The following ZNF638 variants were observed in gnomAD, a reference collection of about 807,000 sequenced individuals.
ZNF638 encodes zinc finger protein 638, also known as CTCL tumor antigen se33-1.
A neutral mutation model predicts 195.6 loss-of-function variants in ZNF638; 46 were observed. The observed-to-expected ratio is 0.24, with a 90% CI of 0.19 to 0.30. The LOEUF (loss-of-function observed/expected upper bound fraction) is 0.30, where lower values mean the gene tolerates loss of function less well. Ranked by LOEUF, ZNF638 falls within the 10% of genes least tolerant of loss-of-function variation. The pLI is 1.00. For missense variants in ZNF638, 2,440 were observed against 2,325.3 expected (o/e 1.05, Z -1.01); for synonymous variants, 845 against 772.0 (o/e 1.09, Z -1.57).
chr2:71,408,716 G>A (rs762792314), intron 20 of ZNF638: 15 of 451,442 alleles, frequency 3.3e-5, no homozygotes, highest in South Asian at 2.3e-4. Context: ...GTCCACCTTT[G>A]AAAGCATTAA....
intron 3 of ZNF638, among the ~76,000 whole-genome samples, chr2:71,362,705 C>T (rs981929310): frequency 5.3e-5 from 8 of 152,184 alleles, no homozygotes; most frequent in Admixed American, 3.9e-4. Context: ...GCAACCCTTT[C>T]TATGAGTTCT....
In ZNF638 at chr2:71,403,976, A is replaced by T; in HGVS notation, c.2936A>T (p.Glu979Val). The T allele has an allele frequency of 6.2e-7, 1 of 1,611,400 alleles. No homozygotes were observed. The highest frequency in any genetic ancestry group is 8.5e-7 in the Non-Finnish European group (1 of 1,178,826). The change falls in exon 17 of 28, where the codon GAA becomes GTA. Residue 979 changes from glutamate to valine, a missense_variant. Glu to Val is a moderately radical substitution (Grantham distance 121, BLOSUM62 -2). This residue lies in a region of ZNF638 where 1,883 missense variants were observed against 1,739.1 expected (regional missense o/e 1.08). Coordinates refer to ENST00000264447, the MANE Select transcript of ZNF638 (RefSeq NM_014497.5). ...GNQLSISMAPENMNIKDEEAI... is the reference protein window; with the variant it reads ...GNQLSISMAPVNMNIKDEEAI... ...CAACTCTCAATAAGTATGGCTCCTG[A>T]AAACATGAATATAAAAGATGAGGTA... is the stretch of plus-strand genomic sequence containing the variant.
chr2:71,398,169 A>G (rs1411195402), intron 11 of ZNF638, among the ~76,000 whole-genome samples: 1 of 152,158 alleles, frequency 6.6e-6, no homozygotes, highest in East Asian at 1.9e-4. Flanking sequence ...AATGGTTGGG[A>G]GCAGAAGTGT....
intron 1 of ZNF638, among the ~76,000 whole-genome samples, chr2:71,342,893 A>T (rs1268745230): frequency 6.6e-6 from 1 of 152,182 alleles, no homozygotes; most frequent in Non-Finnish European, 1.5e-5. Flanking sequence ...TTTGTCTTGA[A>T]TATTATGCCT....
chr2:71,333,620 T>C (rs1177763976), intron 1 of ZNF638, among the ~76,000 whole-genome samples: 3 of 152,226 alleles, frequency 2.0e-5, no homozygotes, highest in Admixed American at 1.3e-4. Context: ...TTTGTTTTTA[T>C]GTAAGTGGAA....
rs892010060 is a variant in ZNF638, at chr2:71,403,966, A to G, written c.2926A>G (p.Met976Val). The change falls in exon 17 of 28, where the codon ATG becomes GTG. Residue 976 changes from methionine (M) to valine (V), a missense_variant. Met to Val is a conservative substitution (Grantham distance 21). Around this residue, in one of 5 missense-constraint regions of ZNF638, gnomAD observed 1,883 missense variants for 1,739.1 expected, o/e 1.08. Transcript: ENST00000264447. ...LMDGNQLSISMAPENMNIKDE... is the reference protein window; with the variant it reads ...LMDGNQLSISVAPENMNIKDE... ...GGATGGAAATCAACTCTCAATAAGTATGGCTCCTGAAAACATGAATATAAA... is the reference window on the plus strand; with the variant it reads ...GGATGGAAATCAACTCTCAATAAGTGTGGCTCCTGAAAACATGAATATAAA... 2.5e-6 allele frequency: 4 copies of G among 1,612,630 alleles called. No individual in the cohort carries two copies. Among genetic ancestry groups the G allele is most frequent in the African/African-American group, 2.7e-5 (2 of 74,902 alleles).
Position 71,400,448 on chromosome 2 carries a change from G to T in ZNF638, c.2657-30G>T, listed in dbSNP as rs140178243. On this transcript the variant is annotated intron_variant, in intron 14 of 27. Coordinates refer to ENST00000264447, the MANE Select transcript of ZNF638 (RefSeq NM_014497.5). The stretch of plus-strand genomic sequence containing the variant: ...AAGTAGGATCTTGATAAGTATGTCT[G>T]CATTGTTTTTAATTTTATTTTGTAT... 2,510 of 1,589,898 alleles carry T rather than the reference G, an allele frequency of 1.6e-3. 6 individuals are homozygous for T. Among genetic ancestry groups the T allele is most frequent in the Non-Finnish European group, 1.9e-3 (2,272 of 1,170,648 alleles).
intron 11 of ZNF638, 67 bp downstream of exon 11, chr2:71,396,258 C>T: frequency 1.5e-6 from 2 of 1,300,568 alleles, no homozygotes; most frequent in Non-Finnish European, 2.2e-6. Flanking sequence ...AATCGTATGG[C>T]AGTAGTAGTC....
At chr2:71,369,304 CAG>C (rs1355140547) in intron 7 of ZNF638, among the ~76,000 whole-genome samples, 5 of 123,962 alleles carry the variant, frequency 4.0e-5, no homozygotes, top group Admixed American at 3.9e-4. Flanking sequence ...GCCTGGGCAA[CAG>C]AGTAAGGCTC....
At chr2:71,380,180 T>G in intron 8 of ZNF638, 42 bp from the exon 9 acceptor site, 2 of 1,263,974 alleles carry the variant, frequency 1.6e-6, no homozygotes, top group Non-Finnish European at 2.2e-6. Context: ...CTAAATTGCT[T>G]TATACTAAAT....
At chr2:71,395,556 C>A (rs2104413003) in intron 10 of ZNF638, 1 of 602,168 alleles carries the variant, frequency 1.7e-6, no homozygotes, top group Non-Finnish European at 3.0e-6. Flanking sequence ...TTTACTTTTG[C>A]AGACCTTTGA....
At position 71,424,579 on chromosome 2, in the gene ZNF638, T is replaced by G. The variant is rs115825394; in HGVS notation, c.4525-71T>G. 5,246 of 1,319,794 alleles carry G rather than the reference T, an allele frequency of 4.0e-3. 165 individuals are homozygous for G. The African/African-American group carries it at 0.067, about 17-fold the overall frequency. The allele number at this position is 1,319,794 out of a possible 1,614,324, so 81.8% of individuals were successfully genotyped here. A position where few individuals can be genotyped will look rare whatever the true frequency, so the allele number is the denominator to read the frequency against. ...GTTTACTGTTTTTTTTTGTTTTTTG[T>G]TTTTTTTTCCAGAACATTAATAATA... On this transcript the variant is annotated intron_variant, in intron 22 of 27. Transcript: ENST00000264447.
chr2:71,351,708 C>T (rs2078943738), intron 2 of ZNF638, among the ~76,000 whole-genome samples: 1 of 151,994 alleles, frequency 6.6e-6, no homozygotes, highest in Non-Finnish European at 1.5e-5. Flanking sequence ...TACTTGACTC[C>T]AATTAGGTAC....
intron 6 of ZNF638, among the ~76,000 whole-genome samples, chr2:71,367,752 A>T (rs1974728): frequency 0.11 from 8,794 of 80,276 alleles, 962 homozygotes; most frequent in East Asian, 0.62. Flanking sequence ...TTTTTTTTTT[A>T]AAAATATAGA....
At chr2:71,346,945 A>G (rs1026570007) in intron 1 of ZNF638, among the ~76,000 whole-genome samples, 5 of 151,772 alleles carry the variant, frequency 3.3e-5, no homozygotes, top group Non-Finnish European at 5.9e-5. Context: ...AATGGCTTGA[A>G]CCCAAGAGGT....
intron 8 of ZNF638, among the ~76,000 whole-genome samples, chr2:71,373,555 C>T (rs1468125414): frequency 6.8e-6 from 1 of 147,434 alleles, no homozygotes; most frequent in African/African-American, 2.5e-5. Context: ...CGTCATTCTC[C>T]TGCCTCAGCC....
intron 22 of ZNF638, 49 bp downstream of exon 22, chr2:71,424,087 T>C (rs2080485899): frequency 5.1e-6 from 8 of 1,570,532 alleles, no homozygotes; most frequent in Non-Finnish European, 6.0e-6. Context: ...AGTGATTAGC[T>C]CCGCTGCTGT....
chr2:71,377,880 T>G (rs1374720152), intron 8 of ZNF638, among the ~76,000 whole-genome samples: 1 of 152,252 alleles, frequency 6.6e-6, no homozygotes, highest in African/African-American at 2.4e-5. Flanking sequence ...TAGTCTAGCC[T>G]TAGATTGCAA....
intron 6 of ZNF638, among the ~76,000 whole-genome samples, chr2:71,367,679 T>A (rs2079226419): frequency 6.6e-6 from 1 of 151,668 alleles, no homozygotes; most frequent in African/African-American, 2.4e-5. Context: ...GACCTTGTGA[T>A]CTATCCACCT....
Sources: allele counts gnomAD v4.1 joint callset (sites outside exome capture counted in the v4.1 genomes callset), GRCh38; gene constraint gnomAD v4.1.1; regional missense constraint gnomAD v4.1.1; transcripts MANE v1.5; gene names NCBI Gene and HGNC (gene_info 2026-07-23, HGNC 2026-07-21).